Variants in RNFT2 observed in about 807,000 individuals in gnomAD.
The protein encoded by RNFT2 is ring finger protein, transmembrane 2.
In RNFT2, 36 loss-of-function variants were observed where a neutral mutation model predicts 53.0. That is an observed-to-expected ratio of 0.68 (90% CI 0.52 to 0.90). The LOEUF (loss-of-function observed/expected upper bound fraction) is 0.90, where lower values mean the gene tolerates loss of function less well. Ranked by LOEUF, RNFT2 falls within the 40% of genes least tolerant of loss-of-function variation. The pLI is 0.00. For missense variants in RNFT2, 514 were observed against 585.6 expected (o/e 0.88, Z 1.26); for synonymous variants, 260 against 253.2 (o/e 1.03, Z -0.26).
intron 7 of RNFT2, among the ~76,000 whole-genome samples, chr12:116,795,826 T>G (rs1164541331): frequency 6.6e-6 from 1 of 152,152 alleles, no homozygotes; most frequent in Non-Finnish European, 1.5e-5. Context: ...TGGGGTCAAA[T>G]CCTGGCTTCC....
chr12:116,761,522 A>G (rs1180228785), intron 5 of RNFT2, among the ~76,000 whole-genome samples: 2 of 152,090 alleles, frequency 1.3e-5, no homozygotes, highest in Non-Finnish European at 2.9e-5. Flanking sequence ...ATAGAGCTTC[A>G]CCACCATCCT....
intron 7 of RNFT2, among the ~76,000 whole-genome samples, chr12:116,818,009 C>T (rs1008672753): frequency 6.6e-6 from 1 of 152,138 alleles, no homozygotes; most frequent in Non-Finnish European, 1.5e-5. Context: ...AAAAACAATT[C>T]ATGGAGAATT....
intron 10 of RNFT2, among the ~76,000 whole-genome samples, chr12:116,845,868 A>G (rs963441145): frequency 2.0e-5 from 3 of 152,148 alleles, no homozygotes; most frequent in African/African-American, 4.8e-5. Context: ...ACATCTTCCT[A>G]TCTCAGGAGC....
In RNFT2 at chr12:116,741,041, A is replaced by C; in HGVS notation, c.30A>C (p.Leu10Phe). The change falls in exon 3 of 11, where the codon TTA becomes TTC. Residue 10 changes from leucine (L) to phenylalanine (F), a missense_variant. Leu to Phe is a conservative substitution (Grantham distance 22). Around this residue, in one of 3 missense-constraint regions of RNFT2, gnomAD observed 237 missense variants for 235.1 expected, o/e 1.01. Transcript: ENST00000257575. Reference sequence around the variant, plus strand: ...ACCCATGTGTTGGGTTTTAGGTGTTAAGGAAGATGCAGAGACGCCACAGCA... The same window carrying C: ...ACCCATGTGTTGGGTTTTAGGTGTTCAGGAAGATGCAGAGACGCCACAGCA... MWLFTVNQV[L>F]RKMQRRHSSN... 6.2e-7 allele frequency: 1 copy of C among 1,610,588 alleles called. No homozygotes were observed. Among genetic ancestry groups the C allele is most frequent in the Non-Finnish European group, 8.5e-7 (1 of 1,178,342 alleles).
At chr12:116,826,270 G>A (rs1361844244) in intron 7 of RNFT2, among the ~76,000 whole-genome samples, 1 of 151,922 alleles carries the variant, frequency 6.6e-6, no homozygotes, top group Non-Finnish European at 1.5e-5. Flanking sequence ...TGAGGAAGTC[G>A]GAATAGAATC....
chr12:116,742,331 G>T (rs181313181), intron 3 of RNFT2, among the ~76,000 whole-genome samples: 6 of 146,498 alleles, frequency 4.1e-5, no homozygotes, highest in Non-Finnish European at 9.0e-5. Context: ...GCAGTGGCAC[G>T]ATCTCGGCTC....
At chr12:116,844,992 C>T (rs1877530374) in intron 10 of RNFT2, among the ~76,000 whole-genome samples, 4 of 151,992 alleles carry the variant, frequency 2.6e-5, no homozygotes, top group Admixed American at 2.6e-4. Context: ...CCTATAATCC[C>T]AGCACTTTGA....
intron 7 of RNFT2, among the ~76,000 whole-genome samples, chr12:116,803,941 C>T (rs1874927187): frequency 6.6e-6 from 1 of 152,208 alleles, no homozygotes; most frequent in African/African-American, 2.4e-5. Flanking sequence ...CAGAAGGCCT[C>T]ACCTAACAGC....
intron 7 of RNFT2, among the ~76,000 whole-genome samples, chr12:116,815,785 A>G (rs1160696854): frequency 2.0e-5 from 3 of 152,152 alleles, no homozygotes; most frequent in East Asian, 3.9e-4. Flanking sequence ...TCAGCCTTCC[A>G]TATCCCCTAC....
At chr12:116,826,594 C>T (rs533259601) in intron 7 of RNFT2, among the ~76,000 whole-genome samples, 50 of 152,322 alleles carry the variant, frequency 3.3e-4, no homozygotes, top group African/African-American at 1.2e-3. Context: ...GTGGCCCACC[C>T]CCGGCAGCTA....
intron 3 of RNFT2, among the ~76,000 whole-genome samples, chr12:116,746,734 G>A (rs1325374169): frequency 6.6e-6 from 1 of 152,182 alleles, no homozygotes; most frequent in Non-Finnish European, 1.5e-5. Flanking sequence ...CAGTTTGTTT[G>A]TCAGTAAGGA....
At chr12:116,787,969 C>A (rs1874013806) in intron 7 of RNFT2, among the ~76,000 whole-genome samples, 1 of 152,098 alleles carries the variant, frequency 6.6e-6, no homozygotes, top group Non-Finnish European at 1.5e-5. Context: ...CTCTTGTTGC[C>A]CAGGCTGGAG....
intron 10 of RNFT2, among the ~76,000 whole-genome samples, chr12:116,841,844 TAA>T (rs1177754738): frequency 0.045 from 1,222 of 26,952 alleles, 110 homozygotes; most frequent in African/African-American, 0.13. Context: ...AATATATATA[TAA>T]ATATATATAA....
chr12:116,852,765 T>C lies in RNFT2; in HGVS notation c.*3317T>C. 1 of 1,577,896 alleles carries C rather than the reference T, an allele frequency of 6.3e-7. No homozygotes were observed. Among genetic ancestry groups the C allele is most frequent in the South Asian group, 1.1e-5 (1 of 90,254 alleles). On this transcript the variant is annotated 3_prime_UTR_variant, in exon 11 of 11. Coordinates refer to ENST00000257575, the MANE Select transcript of RNFT2 (RefSeq NM_001382266.1). ...GACCTGGAATTCTGATTCCAAACTC[T>C]TTATTACTTTGGGAAGTCACTCAGC...
At chr12:116,826,226 A>G (rs938438796) in intron 7 of RNFT2, among the ~76,000 whole-genome samples, 82 of 151,834 alleles carry the variant, frequency 5.4e-4, no homozygotes, top group African/African-American at 1.9e-3. Flanking sequence ...GATGTTTCCC[A>G]TTTCTCTTAT....
At chr12:116,817,927 G>A (rs746464540) in intron 7 of RNFT2, among the ~76,000 whole-genome samples, 1 of 152,140 alleles carries the variant, frequency 6.6e-6, no homozygotes, top group Non-Finnish European at 1.5e-5. Context: ...ATTTCATTGG[G>A]GGAAATCACC....
chr12:116,773,748 A>G (rs1873301420), intron 6 of RNFT2, among the ~76,000 whole-genome samples: 1 of 152,238 alleles, frequency 6.6e-6, no homozygotes, highest in South Asian at 2.1e-4. Context: ...AAAATTGTGT[A>G]AGTCCCAGAC....
At chr12:116,758,159 G>A (rs1872575593) in intron 5 of RNFT2, among the ~76,000 whole-genome samples, 2 of 152,120 alleles carry the variant, frequency 1.3e-5, no homozygotes, top group African/African-American at 4.8e-5. Flanking sequence ...CTTGCTTTTG[G>A]TGTCCATTTG....
intron 6 of RNFT2, among the ~76,000 whole-genome samples, chr12:116,770,015 T>G (rs1873105400): frequency 6.6e-6 from 1 of 152,118 alleles, no homozygotes; most frequent in Non-Finnish European, 1.5e-5. Flanking sequence ...GTCTGGGTGA[T>G]AGAATGAGAC....
Sources: allele counts gnomAD v4.1 joint callset (sites outside exome capture counted in the v4.1 genomes callset), GRCh38; gene constraint gnomAD v4.1.1; regional missense constraint gnomAD v4.1.1; transcripts MANE v1.5; gene names NCBI Gene and HGNC (gene_info 2026-07-23, HGNC 2026-07-21).